NMBR: variants seen among roughly 807,000 people sequenced by gnomAD.
NMBR encodes neuromedin B receptor, also known as neuromedin-B receptor.
NMBR carries 16 observed loss-of-function variants against 20.5 expected under a neutral mutation model. The ratio of observed to expected loss-of-function variants is 0.78; its 90% CI spans 0.53 to 1.19. The LOEUF (loss-of-function observed/expected upper bound fraction) is 1.19. Ranked by LOEUF, NMBR falls within the 50% of genes most tolerant of loss-of-function variation. The pLI, the probability that NMBR is intolerant of heterozygous loss-of-function variation, is 0.00. For missense variants in NMBR, 582 were observed against 499.1 expected, an observed-to-expected ratio of 1.17 and a Z score of -1.58; for synonymous variants, 212 against 196.6, an observed-to-expected ratio of 1.08 and a Z score of -0.65.
Position 142,075,609 on chromosome 6 carries a change from T to A in NMBR, c.*39A>T, listed in dbSNP as rs1352364683. On this transcript the variant is annotated 3_prime_UTR_variant, in exon 4 of 4. Coordinates refer to ENST00000258042, the MANE Select transcript of NMBR (RefSeq NM_002511.4). ...TCTGCCGAATAGGAATTTTAACAGT[T>A]ACTAAGTTCTCTCCAGGTAGTGAGT... 13 of 1,540,960 alleles carry A rather than the reference T, an allele frequency of 8.4e-6. No homozygotes were observed. Among genetic ancestry groups the A allele is most frequent in the Non-Finnish European group, 9.6e-6 (11 of 1,142,120 alleles).
chr6:142,118,472 A>G (rs1227192005), intron 1 of NMBR, among the ~76,000 whole-genome samples: 1 of 151,990 alleles, frequency 6.6e-6, no homozygotes, highest in Non-Finnish European at 1.5e-5. Flanking sequence ...AGTTTTAGCT[A>G]GGAACATCTG....
intron 1 of NMBR, chr6:142,132,977 A>G: frequency 2.4e-6 from 1 of 421,418 alleles, no homozygotes; most frequent in Non-Finnish European, 4.2e-6. Context: ...CAGAGATAGG[A>G]AGGTTGAATG....
intron 2 of NMBR, among the ~76,000 whole-genome samples, chr6:142,085,501 G>A (rs1777183507): frequency 6.6e-6 from 1 of 152,118 alleles, no homozygotes; most frequent in African/African-American, 2.4e-5. Context: ...TCCAGCCTGA[G>A]TGACAGAGCA....
chr6:142,141,518 T>G (rs1488890742), intron 1 of NMBR, among the ~76,000 whole-genome samples: 4 of 152,174 alleles, frequency 2.6e-5, no homozygotes, highest in African/African-American at 9.6e-5. Context: ...TTTTTTTTTT[T>G]TTTTAAGATG....
chr6:142,118,878 A>G (rs966918259), intron 1 of NMBR, among the ~76,000 whole-genome samples: 2 of 151,968 alleles, frequency 1.3e-5, no homozygotes, highest in Non-Finnish European at 2.9e-5. Flanking sequence ...ATGCTCCCCA[A>G]GTGTATTAGA....
intron 1 of NMBR, among the ~76,000 whole-genome samples, chr6:142,093,850 T>C (rs992780430): frequency 2.6e-5 from 4 of 152,148 alleles, no homozygotes; most frequent in Non-Finnish European, 5.9e-5. Flanking sequence ...CCATTCTAAC[T>C]GGTGTGAGAT....
intron 1 of NMBR, among the ~76,000 whole-genome samples, chr6:142,114,069 G>A (rs1383523272): frequency 4.6e-5 from 7 of 152,080 alleles, no homozygotes; most frequent in Non-Finnish European, 1.0e-4. Flanking sequence ...TAGGAAAAGC[G>A]CCACTCAAAG....
In NMBR at chr6:142,075,649, C is replaced by G. The variant is rs751217987; in HGVS notation, c.1172G>C (p.Ter391SerextTer59). Residue 391 changes from the stop codon to serine, a stop_lost, in exon 4 of 4, where the codon TGA becomes TCA. Coordinates refer to ENST00000258042, the MANE Select transcript of NMBR (RefSeq NM_002511.4). Reference sequence around the variant, plus strand: ...AGGTAGTGAGTTGAATGGCCAAAATCACAGTGCCATTTCCTGCTTCATGCT... The same window carrying G: ...AGGTAGTGAGTTGAATGGCCAAAATGACAGTGCCATTTCCTGCTTCATGCT... ...GHSMKQEMAL* is the reference protein window; with the variant it reads ...GHSMKQEMALS The G allele has an allele frequency of 6.2e-7, 1 of 1,601,036 alleles. No individual in the cohort carries two copies. Among genetic ancestry groups the G allele is most frequent in the Non-Finnish European group, 8.5e-7 (1 of 1,172,802 alleles).
Position 142,074,784 on chromosome 6 carries a change from A to G in NMBR, c.*864T>C, listed in dbSNP as rs1259693269. On this transcript the variant is annotated 3_prime_UTR_variant, in exon 4 of 4. Transcript: ENST00000258042. ...AATGTATACTAAGATGGCCATGCAA[A>G]CTTGTGAGTTGTAGCTTTGCAATTT... is the stretch of plus-strand genomic sequence containing the variant. 6.6e-6 allele frequency among the ~76,000 whole-genome samples: 1 copy of G among 152,082 alleles called. No homozygotes were observed. Among genetic ancestry groups the G allele is most frequent in the African/African-American group, 2.4e-5 (1 of 41,424 alleles).
chr6:142,105,966 T>C (rs4243469), intron 1 of NMBR, among the ~76,000 whole-genome samples: 95,168 of 152,062 alleles, frequency 0.63, 31,265 homozygotes, highest in East Asian at 0.85. Flanking sequence ...ACAAATGATG[T>C]AGACATTTTA....
chr6:142,136,336 T>C lies in NMBR; in HGVS notation c.-664+10708A>G, dbSNP rs573222519. 2.0e-5 allele frequency among the ~76,000 whole-genome samples: 3 copies of C among 152,332 alleles called. No individual in the cohort carries two copies. In the South Asian group the frequency reaches 6.2e-4, roughly 32 times the overall value. Reference sequence around the variant, plus strand: ...TTCATATCCTTTGCCCACTTTTTGATGGGGTTGTTTGTTTTTTTCTTGTAA... The same window carrying C: ...TTCATATCCTTTGCCCACTTTTTGACGGGGTTGTTTGTTTTTTTCTTGTAA... On this transcript the variant is annotated intron_variant, in intron 1 of 3. Coordinates refer to ENST00000258042, the MANE Select transcript of NMBR (RefSeq NM_002511.4).
chr6:142,091,913 G>A lies in NMBR; in HGVS notation c.-663-2592C>T, dbSNP rs532689620. The stretch of plus-strand genomic sequence containing the variant: ...CAAATTCGTTGACATGAGTATTATT[G>A]TTGTAAGTGAATATGAAGAATTTGA... On this transcript the variant is annotated intron_variant, in intron 1 of 3. Transcript: ENST00000258042. Among the ~76,000 whole-genome samples, 8 of 152,192 alleles carry A rather than the reference G, an allele frequency of 5.3e-5. No individual in the cohort carries two copies. In the South Asian group the frequency reaches 1.7e-3, roughly 32 times the overall value.
intron 2 of NMBR, among the ~76,000 whole-genome samples, chr6:142,079,513 T>C (rs1255455607): frequency 3.3e-5 from 5 of 152,226 alleles, no homozygotes; most frequent in African/African-American, 1.2e-4. Context: ...TCTATCATAA[T>C]GTATTGAATA....
At chr6:142,114,341 C>T (rs755627789) in intron 1 of NMBR, among the ~76,000 whole-genome samples, 7 of 151,742 alleles carry the variant, frequency 4.6e-5, no homozygotes, top group African/African-American at 7.3e-5. Context: ...GTGGTTTTGA[C>T]ATTTTTGTGG....
chr6:142,118,623 G>A, intron 1 of NMBR, among the ~76,000 whole-genome samples: 1 of 151,906 alleles, frequency 6.6e-6, no homozygotes, highest in East Asian at 1.9e-4. Flanking sequence ...AATGTATTTA[G>A]GAACACATGT....
intron 1 of NMBR, among the ~76,000 whole-genome samples, chr6:142,096,776 A>G (rs1777462644): frequency 1.3e-5 from 2 of 151,970 alleles, no homozygotes; most frequent in Admixed American, 1.3e-4. Flanking sequence ...GTGGGGTGTT[A>G]AAGTCTCCCA....
intron 2 of NMBR, among the ~76,000 whole-genome samples, chr6:142,086,716 AT>A (rs1410290054): frequency 4.6e-5 from 7 of 152,166 alleles, no homozygotes; most frequent in Non-Finnish European, 1.0e-4. Flanking sequence ...TATAAGGATT[AT>A]TATTTTCTCT....
intron 3 of NMBR, among the ~76,000 whole-genome samples, chr6:142,077,624 T>C (rs1013791471): frequency 1.3e-5 from 2 of 152,192 alleles, no homozygotes; most frequent in Admixed American, 6.5e-5. Context: ...TCATAAAGGT[T>C]ACCTTCCATG....
chr6:142,107,467 G>T (rs2114586360), intron 1 of NMBR, among the ~76,000 whole-genome samples: 1 of 152,232 alleles, frequency 6.6e-6, no homozygotes, highest in Non-Finnish European at 1.5e-5. Context: ...AGAGAATATT[G>T]CTAAAACCAC....
Sources: allele counts gnomAD v4.1 joint callset (sites outside exome capture counted in the v4.1 genomes callset), GRCh38; gene constraint gnomAD v4.1.1; transcripts MANE v1.5; gene names NCBI Gene and HGNC (gene_info 2026-07-23, HGNC 2026-07-21).